CBFA2T2: variants seen among roughly 807,000 people sequenced by gnomAD.
The protein encoded by CBFA2T2 is protein CBFA2T2.
A neutral mutation model predicts 62.2 loss-of-function variants in CBFA2T2; 11 were observed. That is an observed-to-expected ratio of 0.18 (90% CI 0.11 to 0.29). CBFA2T2 has a LOEUF of 0.29. CBFA2T2 is among the 10% of genes least tolerant of loss of function. The probability of loss-of-function intolerance (pLI) is 1.00; values close to 1 mark genes in which losing one functional copy is unlikely to be tolerated. For synonymous variants in CBFA2T2, 295 were observed against 287.5 expected (o/e 1.03, Z -0.27); for missense variants, 592 against 774.1 (o/e 0.76, Z 2.79).
At chr20:33,568,563 G>A (rs1006318684) in intron 1 of CBFA2T2, among the ~76,000 whole-genome samples, 1 of 152,118 alleles carries the variant, frequency 6.6e-6, no homozygotes, top group Non-Finnish European at 1.5e-5. Context: ...CGGCGGGCGC[G>A]TGCCTGCTCT....
intron 1 of CBFA2T2, among the ~76,000 whole-genome samples, chr20:33,545,774 A>G (rs889354387): frequency 5.3e-5 from 8 of 152,236 alleles, no homozygotes; most frequent in African/African-American, 1.7e-4. Context: ...GCAGTCTACC[A>G]TAGAAAAACA....
At chr20:33,515,715 C>G (rs1438417129) in intron 1 of CBFA2T2, among the ~76,000 whole-genome samples, 1 of 140,678 alleles carries the variant, frequency 7.1e-6, no homozygotes, top group Non-Finnish European at 1.5e-5. Flanking sequence ...ACAAGAGAAT[C>G]ACTTGAACTC....
intron 10 of CBFA2T2, among the ~76,000 whole-genome samples, chr20:33,641,867 CTTTT>C (rs770790247): frequency 7.4e-6 from 1 of 135,748 alleles, no homozygotes; most frequent in Non-Finnish European, 1.6e-5. Flanking sequence ...TACAGATGGG[CTTTT>C]TTTTTTTTTT....
At position 33,508,420 on chromosome 20, in the gene CBFA2T2, T is replaced by G. The variant is rs531908547; in HGVS notation, c.34+18119T>G. On this transcript the variant is annotated intron_variant, in intron 1 of 10. Transcript: ENST00000342704. ...TGCCTTTGTTTTTATGCTTGTATTT[T>G]TTTGTTTGTTTGTTTTTTTAGCTTT... Among the ~76,000 whole-genome samples, 6 of 152,200 alleles carry G rather than the reference T, an allele frequency of 3.9e-5. No individual in the cohort carries two copies. The South Asian group carries it at 1.0e-3, about 26-fold the overall frequency.
At chr20:33,558,635 G>T (rs2012988249) in intron 1 of CBFA2T2, among the ~76,000 whole-genome samples, 1 of 151,010 alleles carries the variant, frequency 6.6e-6, no homozygotes, top group Admixed American at 6.6e-5. Flanking sequence ...CTTTTTTTTT[G>T]GGTAAAGCAT....
intron 1 of CBFA2T2, among the ~76,000 whole-genome samples, chr20:33,500,702 C>G (rs963166454): frequency 9.9e-5 from 15 of 151,964 alleles, no homozygotes; most frequent in African/African-American, 3.6e-4. Flanking sequence ...GAGCAAGACT[C>G]TGTCTCAAAA....
chr20:33,524,601 A>AT (rs1446699193), intron 1 of CBFA2T2, among the ~76,000 whole-genome samples: 1 of 152,096 alleles, frequency 6.6e-6, no homozygotes, highest in East Asian at 1.9e-4. Flanking sequence ...TATTTTTAGG[A>AT]TTAAAAAAAA....
intron 1 of CBFA2T2, among the ~76,000 whole-genome samples, chr20:33,565,701 G>A (rs977162586): frequency 2.0e-5 from 3 of 152,136 alleles, no homozygotes; most frequent in Admixed American, 1.3e-4. Flanking sequence ...AGAAAATCAT[G>A]ATTCTTTCTG....
intron 1 of CBFA2T2, among the ~76,000 whole-genome samples, chr20:33,581,798 G>A (rs2014128524): frequency 6.6e-6 from 1 of 152,186 alleles, no homozygotes; most frequent in Non-Finnish European, 1.5e-5. Flanking sequence ...TTGCAAATCA[G>A]TGAACTAAGA....
chr20:33,572,914 A>G (rs984718832), intron 1 of CBFA2T2, among the ~76,000 whole-genome samples: 2 of 152,244 alleles, frequency 1.3e-5, no homozygotes, highest in African/African-American at 4.8e-5. Flanking sequence ...GCAAGACCAG[A>G]AGTGAAAAGT....
Position 33,624,912 on chromosome 20 carries a change from C to T in CBFA2T2, c.841C>T (p.Pro281Ser). ...PGGQFHPTPP[P>S]LQHYTLEDIA... ...GGGCCAATTCCATCCTACCCCTCCA[C>T]CTCTTCAGCATTACACCTTAGAGGA... The change falls in exon 6 of 11, where the codon CCT (proline) becomes TCT (serine). Residue 281 changes from proline to serine, a missense_variant. Physicochemically the swap from Pro to Ser is moderately conservative, Grantham distance 74. Coordinates refer to ENST00000342704, the MANE Select transcript of CBFA2T2 (RefSeq NM_001032999.3). 3.7e-6 allele frequency: 6 copies of T among 1,614,188 alleles called. No individual in the cohort carries two copies. Among genetic ancestry groups the T allele is most frequent in the Non-Finnish European group, 4.2e-6 (5 of 1,180,038 alleles).
At chr20:33,640,618 AC>A (rs1394683940) in intron 10 of CBFA2T2, 87 bp downstream of exon 10, 1 of 1,228,360 alleles carries the variant, frequency 8.1e-7, no homozygotes, top group African/African-American at 1.5e-5. Context: ...GCAGGAAGAC[AC>A]AGGCAGTCCA....
intron 1 of CBFA2T2, among the ~76,000 whole-genome samples, chr20:33,595,973 A>AG (rs2014866934): frequency 6.6e-6 from 1 of 152,242 alleles, no homozygotes; most frequent in African/African-American, 2.4e-5. Context: ...CAGAAAAATC[A>AG]GGATTCACAG....
chr20:33,563,030 A>C (rs1279039558), intron 1 of CBFA2T2, among the ~76,000 whole-genome samples: 3 of 152,198 alleles, frequency 2.0e-5, no homozygotes, highest in Non-Finnish European at 4.4e-5. Context: ...TAGTATGCAT[A>C]ATACAAATAG....
intron 1 of CBFA2T2, among the ~76,000 whole-genome samples, chr20:33,500,758 G>C (rs1255471966): frequency 6.6e-6 from 1 of 151,916 alleles, no homozygotes; most frequent in Non-Finnish European, 1.5e-5. Flanking sequence ...AATAATTGGG[G>C]TATGATTTAA....
intron 1 of CBFA2T2, among the ~76,000 whole-genome samples, chr20:33,552,821 A>C (rs2146886077): frequency 6.6e-6 from 1 of 152,258 alleles, no homozygotes; most frequent in Admixed American, 6.5e-5. Flanking sequence ...TCTTTCTGCT[A>C]GTCATACCTT....
At position 33,607,078 on chromosome 20, in the gene CBFA2T2, G is replaced by T; in HGVS notation, c.157G>T (p.Val53Leu). The change falls in exon 2 of 11, where the codon GTG becomes TTG. Residue 53 changes from valine to leucine, a missense_variant. Physicochemically the swap from Val to Leu is conservative, Grantham distance 32. Around this residue, in one of 3 missense-constraint regions of CBFA2T2, gnomAD observed 449 missense variants for 551.2 expected, o/e 0.81. Coordinates refer to ENST00000342704, the MANE Select transcript of CBFA2T2 (RefSeq NM_001032999.3). ...PPINPGGPRP[V>L]SFTPTALSNG... is the part of the protein sequence containing the mutation. ...AATAAATCCTGGAGGACCGAGGCCA[G>T]TGTCCTTCACTCCTACTGCATGTGA... The T allele has an allele frequency of 1.9e-6, 3 of 1,614,016 alleles. No individual in the cohort carries two copies. Among genetic ancestry groups the T allele is most frequent in the Non-Finnish European group, 2.5e-6 (3 of 1,179,922 alleles).
chr20:33,605,841 G>C (rs2015321353), intron 1 of CBFA2T2, among the ~76,000 whole-genome samples: 1 of 148,288 alleles, frequency 6.7e-6, no homozygotes, highest in Non-Finnish European at 1.5e-5. Flanking sequence ...TTTTTTTTAA[G>C]ACAGAGTCGC....
At chr20:33,549,134 GACAA>G (rs1450047247) in intron 1 of CBFA2T2, among the ~76,000 whole-genome samples, 3 of 152,110 alleles carry the variant, frequency 2.0e-5, no homozygotes, top group South Asian at 2.1e-4. Flanking sequence ...AATATTAGTT[GACAA>G]ACTACTGATG....
Sources: gnomAD v4.1 joint callset for allele counts (sites outside exome capture counted in the v4.1 genomes callset) on GRCh38, gnomAD v4.1.1 for gene constraint, gnomAD v4.1.1 regional missense constraint, MANE v1.5 for transcripts, NCBI Gene and HGNC (gene_info 2026-07-23, HGNC 2026-07-21) for gene names.